Variants in MAPKBP1 observed in about 807,000 individuals in gnomAD.
The protein encoded by MAPKBP1 is mitogen-activated protein kinase binding protein 1.
A neutral mutation model predicts 170.5 loss-of-function variants in MAPKBP1; 71 were observed. The observed-to-expected ratio is 0.42, with a 90% CI of 0.34 to 0.51. The LOEUF (loss-of-function observed/expected upper bound fraction) is 0.51. Ranked by LOEUF, MAPKBP1 falls within the 20% of genes least tolerant of loss-of-function variation. The pLI, the probability that MAPKBP1 is intolerant of heterozygous loss-of-function variation, is 0.06. For missense variants in MAPKBP1, 1,598 were observed against 1,933.0 expected (o/e 0.83, Z 3.25); for synonymous variants, 719 against 757.9 (o/e 0.95, Z 0.84).
chr15:41,785,625 G>A (rs1029146174), intron 2 of MAPKBP1, among the ~76,000 whole-genome samples: 8 of 152,022 alleles, frequency 5.3e-5, no homozygotes, highest in African/African-American at 1.9e-4. Context: ...GAATTTACAG[G>A]CCAAGTGAAA....
chr15:41,800,502 C>A (rs2152074267), intron 3 of MAPKBP1, among the ~76,000 whole-genome samples: 1 of 152,212 alleles, frequency 6.6e-6, no homozygotes, highest in African/African-American at 2.4e-5. Context: ...TGCCCCATGC[C>A]TGGCTAATTT....
intron 2 of MAPKBP1, among the ~76,000 whole-genome samples, chr15:41,792,242 C>T (rs561299606): frequency 1.3e-5 from 2 of 151,594 alleles, no homozygotes; most frequent in African/African-American, 4.8e-5. Flanking sequence ...ATGAAGTTAC[C>T]CCTTTATCTT....
intron 2 of MAPKBP1, among the ~76,000 whole-genome samples, chr15:41,792,226 G>A (rs147985345): frequency 6.6e-6 from 1 of 151,598 alleles, no homozygotes; most frequent in Non-Finnish European, 1.5e-5. Context: ...CTGGGAATAG[G>A]CTAGTATGAA....
chr15:41,791,465 GCC>G (rs958137666), intron 2 of MAPKBP1, among the ~76,000 whole-genome samples: 1 of 152,198 alleles, frequency 6.6e-6, no homozygotes, highest in African/African-American at 2.4e-5. Flanking sequence ...CAAGCAGGAA[GCC>G]CTTCCTAACA....
chr15:41,820,985 C>T lies in MAPKBP1; in HGVS notation c.2635C>T (p.Pro879Ser). ...LETLAPSLQD[P>S]SQDSLAIIPS... ...AACACTGGCCCCAAGCCTGCAGGAC[C>T]CTAGCCAGGACTCGCTGGCCATCAT... The change falls in exon 23 of 31, where the codon CCT becomes TCT. Residue 879 changes from proline (P) to serine (S), a missense_variant. Around this residue, in one of 6 missense-constraint regions of MAPKBP1, gnomAD observed 942 missense variants for 953.2 expected, o/e 0.99. Coordinates refer to ENST00000457542, the MANE Select transcript of MAPKBP1 (RefSeq NM_014994.3). 1 of 1,614,156 alleles carries T rather than the reference C, an allele frequency of 6.2e-7. No individual in the cohort carries two copies. The highest frequency in any genetic ancestry group is 8.5e-7 in the Non-Finnish European group (1 of 1,180,020).
At chr15:41,797,544 TTTG>T (rs978476607) in intron 2 of MAPKBP1, among the ~76,000 whole-genome samples, 1 of 152,142 alleles carries the variant, frequency 6.6e-6, no homozygotes, top group Non-Finnish European at 1.5e-5. Flanking sequence ...CCAGGATGAT[TTTG>T]TTGCTCTCCA....
At chr15:41,793,115 G>A (rs190181977) in intron 2 of MAPKBP1, among the ~76,000 whole-genome samples, 45 of 152,210 alleles carry the variant, frequency 3.0e-4, no homozygotes, top group Non-Finnish European at 4.4e-5. Flanking sequence ...TATGAAAAAG[G>A]TTTGCAAAAA....
rs79573365 is a variant in MAPKBP1 at position 41,816,590 on chromosome 15, C to G, written c.1525C>G (p.Leu509Val). 1.2e-6 allele frequency: 2 copies of G among 1,614,104 alleles called. No individual in the cohort carries two copies. Among genetic ancestry groups the G allele is most frequent in the Admixed American group, 1.7e-5 (1 of 60,028 alleles). ...CGAACTTCAGTCCCTGAGTGAGATG[C>G]TGAAGGTGGAGGCCCATGACTCTGA... Reference protein sequence around the residue: ...VHELQSLSEMLKVEAHDSEIL... With the variant: ...VHELQSLSEMVKVEAHDSEIL... Residue 509 changes from leucine to valine, a missense_variant, in exon 13 of 31, where the codon CTG (leucine) becomes GTG (valine). By Grantham distance (32) the Leu-to-Val change is conservative. Transcript: ENST00000457542.
intron 4 of MAPKBP1, 114 bp from the exon 5 acceptor site, chr15:41,811,064 G>C: frequency 6.5e-7 from 1 of 1,527,392 alleles, no homozygotes; most frequent in Non-Finnish European, 9.1e-7. Context: ...GCCAGATGGG[G>C]AAGTGCCACA....
chr15:41,820,898 C>T lies in MAPKBP1; in HGVS notation c.2548C>T (p.Arg850Cys), dbSNP rs753435555. 24 of 1,614,014 alleles carry T rather than the reference C, an allele frequency of 1.5e-5. No homozygotes were observed. Among genetic ancestry groups the T allele is most frequent in the African/African-American group, 2.7e-5 (2 of 74,920 alleles). The part of the protein sequence containing the change: ...AANPGPRRRG[R>C]WVQPGVELSV... ...CAACCCAGGACCCAGAAGAAGAGGGCGCTGGGTTCAGCCAGGTGTGGAACT... is the reference window on the plus strand; with the variant it reads ...CAACCCAGGACCCAGAAGAAGAGGGTGCTGGGTTCAGCCAGGTGTGGAACT... Residue 850 changes from arginine to cysteine, a missense_variant, in exon 23 of 31, where the codon CGC becomes TGC. This residue lies in a region of MAPKBP1 where 942 missense variants were observed against 953.2 expected (regional missense o/e 0.99). Transcript: ENST00000457542.
intron 9 of MAPKBP1, 51 bp downstream of exon 9, chr15:41,813,832 G>T (rs2064846311): frequency 6.6e-7 from 1 of 1,521,504 alleles, no homozygotes; most frequent in Non-Finnish European, 8.8e-7. Context: ...CCCCTGCCCA[G>T]TCTTTCTTGT....
In MAPKBP1 at chr15:41,811,963, C is replaced by T; in HGVS notation, c.334C>T (p.His112Tyr). 6.2e-7 allele frequency: 1 copy of T among 1,614,084 alleles called. No individual in the cohort carries two copies. Among genetic ancestry groups the T allele is most frequent in the Admixed American group, 1.7e-5 (1 of 60,012 alleles). ...AGTTCTTGCCTCCCTGCAGAGTGGG[C>T]ACATGCCTGCCGTGCGGGTTTGGGA... ...GKYLVTGESG[H>Y]MPAVRVWDVA... The change falls in exon 6 of 31, where the codon CAC becomes TAC. Residue 112 changes from histidine to tyrosine, a missense_variant. His to Tyr is a moderately conservative substitution (Grantham distance 83). This residue lies in a region of MAPKBP1 where 151 missense variants were observed against 191.4 expected (regional missense o/e 0.79). Transcript: ENST00000457542.
chr15:41,821,812 T>C (rs1455787330), intron 24 of MAPKBP1, 62 bp downstream of exon 24: 8 of 1,562,734 alleles, frequency 5.1e-6, no homozygotes, highest in Non-Finnish European at 6.1e-6. Context: ...GAGTGTTCTT[T>C]AGTCGAGGGA....
chr15:41,784,453 C>A (rs1042234982), intron 2 of MAPKBP1, among the ~76,000 whole-genome samples: 7 of 151,948 alleles, frequency 4.6e-5, no homozygotes, highest in African/African-American at 1.7e-4. Flanking sequence ...CTGGCCTGGG[C>A]AACATAGCAA....
intron 2 of MAPKBP1, among the ~76,000 whole-genome samples, chr15:41,777,150 G>A (rs190346896): frequency 1.3e-5 from 2 of 152,200 alleles, no homozygotes; most frequent in African/African-American, 4.8e-5. Context: ...AAACCAGCCT[G>A]GTCAAGATGG....
At chr15:41,808,255 C>T (rs1233109830) in intron 3 of MAPKBP1, among the ~76,000 whole-genome samples, 17 of 150,612 alleles carry the variant, frequency 1.1e-4, no homozygotes, top group Non-Finnish European at 1.9e-4. Context: ...TACAGGTGCC[C>T]GCCACCACGC....
intron 4 of MAPKBP1, 100 bp downstream of exon 4, chr15:41,811,045 G>A (rs1241788914): frequency 1.9e-6 from 3 of 1,547,700 alleles, no homozygotes; most frequent in Admixed American, 3.4e-5. Flanking sequence ...GACCTGGTTG[G>A]GTCCTAAAGC....
At chr15:41,815,935 A>T in intron 12 of MAPKBP1, 136 bp downstream of exon 12, 3 of 851,994 alleles carry the variant, frequency 3.5e-6, no homozygotes, top group Non-Finnish European at 5.4e-6. Context: ...ATAACTTCAC[A>T]ATGAGTAAAC....
rs189915588 is a variant in MAPKBP1, at chr15:41,816,871, C to T, written c.1586-39C>T. 42 of 1,573,240 alleles carry T rather than the reference C, an allele frequency of 2.7e-5. No homozygotes were observed. In the East Asian group the frequency reaches 8.6e-4, roughly 32 times the overall value. ...TTGCCAGGCCCAGATAAGGGCTGTT[C>T]AGGGCACTCATGGGCTGATGGAGTT... is the stretch of plus-strand genomic sequence containing the variant. On this transcript the variant is annotated intron_variant, in intron 13 of 30. Transcript: ENST00000457542.
Sources: allele counts gnomAD v4.1 joint callset (sites outside exome capture counted in the v4.1 genomes callset), GRCh38; gene constraint gnomAD v4.1.1; regional missense constraint gnomAD v4.1.1; transcripts MANE v1.5; gene names NCBI Gene and HGNC (gene_info 2026-07-23, HGNC 2026-07-21).